The following LAMA5 variants were observed in gnomAD, a reference collection of about 807,000 sequenced individuals.
The protein encoded by LAMA5 is laminin subunit alpha-5.
In LAMA5, 260 loss-of-function variants were observed where a neutral mutation model predicts 433.4. The observed-to-expected ratio is 0.60, with a 90% CI of 0.54 to 0.66. The LOEUF is 0.66. Among genes scored for constraint, LAMA5 ranks in the 30% least tolerant of loss-of-function variants. The pLI is 0.00. For missense variants in LAMA5, 5,378 were observed against 5,258.5 expected, an observed-to-expected ratio of 1.02 and a Z score of -0.70; for synonymous variants, 2,620 against 2,226.6, an observed-to-expected ratio of 1.18 and a Z score of -4.97.
intron 11 of LAMA5, among the ~76,000 whole-genome samples, chr20:62,341,182 C>T (rs183432890): frequency 6.6e-5 from 10 of 152,190 alleles, no homozygotes; most frequent in Non-Finnish European, 1.3e-4. Context: ...AGTCTAACCA[C>T]GATGCAGCAA....
At position 62,313,149 on chromosome 20, in the gene LAMA5, C is replaced by G; in HGVS notation, c.8894G>C (p.Arg2965Pro). The change falls in exon 65 of 80, where the codon CGC becomes CCC. Residue 2965 changes from arginine to proline, a missense_variant. By Grantham distance (103) the Arg-to-Pro change is moderately radical (BLOSUM62 -2). Transcript: ENST00000252999. ...SFDSQISTTK[R>P]FEQELRLVSY... ...CACGAGCCGCAGCTCCTGCTCGAAG[C>G]GCTTGGTGGTGCTGATCTGACTGTC... 6.2e-7 allele frequency: 1 copy of G among 1,605,152 alleles called. No homozygotes were observed. The highest frequency in any genetic ancestry group is 8.5e-7 in the Non-Finnish European group (1 of 1,178,470).
chr20:62,310,683 G>A lies in LAMA5; in HGVS notation c.10428C>T (p.Ser3476=). ...TTCTCACCGGAAGTTTGGAGCTGTG[G>A]CTGCTGGCCGGGAGGCCGCCCACAA... is the stretch of plus-strand genomic sequence containing the variant. ...TLFVGGLPAS[S]HSSKLPVTVG... The change falls in exon 75 of 80, where the codon AGC becomes AGT. Residue 3476 remains serine (S), a synonymous_variant. Coordinates refer to ENST00000252999, the MANE Select transcript of LAMA5 (RefSeq NM_005560.6). 1.2e-6 allele frequency: 2 copies of A among 1,603,282 alleles called. No homozygotes were observed. The highest frequency in any genetic ancestry group is 1.3e-5 in the African/African-American group (1 of 75,024).
rs1358620723 is a variant in LAMA5, at chr20:62,333,440, C to T, written c.3063G>A (p.Ala1021=). The change falls in exon 25 of 80, where the codon GCG becomes GCA. Residue 1021 remains alanine (A), a synonymous_variant. Coordinates refer to ENST00000252999, the MANE Select transcript of LAMA5 (RefSeq NM_005560.6). ...VLLPSAYYEA[A]LLQLRVTEAC... ...CCTCAGTCACCCGCAGCTGCAGGAG[C>T]GCCGCCTCGTAGTATGCGCTAGGCA... is the stretch of plus-strand genomic sequence containing the variant. 1.6e-5 allele frequency: 26 copies of T among 1,612,756 alleles called. No homozygotes were observed. The highest frequency in any genetic ancestry group is 2.2e-5 in the East Asian group (1 of 44,868).
At position 62,335,372 on chromosome 20, in the gene LAMA5, T is replaced by A. The variant is rs1981386524; in HGVS notation, c.2324-103A>T. 6.1e-6 allele frequency: 7 copies of A among 1,156,346 alleles called. No individual in the cohort carries two copies. In the East Asian group the frequency reaches 1.8e-4, roughly 30 times the overall value. 71.6% of individuals were successfully genotyped at this position (1,156,346 alleles called of 1,614,324 possible). On this transcript the variant is annotated intron_variant, in intron 18 of 79. Coordinates refer to ENST00000252999, the MANE Select transcript of LAMA5 (RefSeq NM_005560.6). ...CCCTAACACCCCCTCCAGGGCACAC[T>A]CACAGGCTCCAGCACCCCCAGGAGC...
chr20:62,367,174 C>T lies in LAMA5; in HGVS notation c.72G>A (p.Leu24=). 8.1e-7 allele frequency: 1 copy of T among 1,242,208 alleles called. No individual in the cohort carries two copies. 76.9% of individuals were successfully genotyped at this position (1,242,208 alleles called of 1,614,324 possible). A position where few individuals can be genotyped will look rare whatever the true frequency, so the allele number is the denominator to read the frequency against. The change falls in exon 1 of 80, where the codon CTG becomes CTA. Residue 24 remains leucine, a synonymous_variant. Transcript: ENST00000252999. ...CCGCGCCCAGCAGCGCCAGCCCGACCAGCAGCAGCGGCGCGGGGCCCCGGG... is the reference window on the plus strand; with the variant it reads ...CCGCGCCCAGCAGCGCCAGCCCGACTAGCAGCAGCGGCGCGGGGCCCCGGG... ...RGPRGPAPLL[L]VGLALLGAAR... is the part of the protein sequence containing the mutation.
In LAMA5 at chr20:62,315,149, G is replaced by T; in HGVS notation, c.7926C>A (p.Thr2642=). 6.2e-7 allele frequency: 1 copy of T among 1,610,642 alleles called. No individual in the cohort carries two copies. The highest frequency in any genetic ancestry group is 8.5e-7 in the Non-Finnish European group (1 of 1,179,722). ...AKAVAAEAQD[T]ATRVQSQLQA... ...GCAGCTGGGACTGCACACGGGTGGC[G>T]GTGTCCTGGGCTTCAGCAGCCACAG... The change falls in exon 59 of 80, where the codon ACC becomes ACA. Residue 2642 remains threonine, a synonymous_variant. Coordinates refer to ENST00000252999, the MANE Select transcript of LAMA5 (RefSeq NM_005560.6).
rs1568887534 is a variant in LAMA5 at position 62,310,432 on chromosome 20, T to C, written c.10587A>G (p.Gly3529=). ...EAGLFFPGSG[G]VITLDLPGAT... is the part of the protein sequence containing the mutation. The stretch of plus-strand genomic sequence containing the variant: ...GCACCCACAGACCTAAAGTGATAAC[T>C]CCCCCGCTGCCTGGGAAGAACAGGC... Residue 3529 remains glycine (G), a synonymous_variant, in exon 76 of 80, where the codon GGA becomes GGG. Coordinates refer to ENST00000252999, the MANE Select transcript of LAMA5 (RefSeq NM_005560.6). 1.2e-6 allele frequency: 2 copies of C among 1,602,078 alleles called. No individual in the cohort carries two copies. Among genetic ancestry groups the C allele is most frequent in the South Asian group, 2.2e-5 (2 of 89,458 alleles).
chr20:62,337,782 C>T lies in LAMA5; in HGVS notation c.2026+22G>A, dbSNP rs773004188. On this transcript the variant is annotated intron_variant, in intron 15 of 79. Transcript: ENST00000252999. ...GTGGAGACTGCACCTGCCTCCCCAC[C>T]ACTTCCTCCCTAGGCACTCACGGAC... The T allele has an allele frequency of 5.0e-6, 8 of 1,609,936 alleles. No individual in the cohort carries two copies. In the Admixed American group the frequency reaches 1.2e-4, roughly 24 times the overall value.
rs764922359 is a variant in LAMA5, at chr20:62,333,703, G to A, written c.2882C>T (p.Thr961Ile). 3 of 1,586,152 alleles carry A rather than the reference G, an allele frequency of 1.9e-6. No homozygotes were observed. Among genetic ancestry groups the A allele is most frequent in the East Asian group, 2.3e-5 (1 of 44,094 alleles). ...GAAGGCCACGGGCTGACTCTGTGCT[G>A]TGCCTGGGCGGGGGCAGGGGTGAGA... is the stretch of plus-strand genomic sequence containing the variant. ...EGRSATCANC[T>I]AQSQPVAFPP... is the part of the protein sequence containing the mutation. The change falls in exon 24 of 80, where the codon ACA becomes ATA. Residue 961 changes from threonine to isoleucine, a missense_variant. Transcript: ENST00000252999.
rs578220711 is a variant in LAMA5, at chr20:62,359,348, G to T, written c.450+3052C>A. ...AGCTCCTTACAACCTGGGCCCGCTG[G>T]GCTAGCGTGCTGGTGTAGTGGGGCA... On this transcript the variant is annotated intron_variant, in intron 2 of 79. Transcript: ENST00000252999. The surrounding 1 kb of genome is among the most constrained non-coding windows in gnomAD (Gnocchi z 4.3). Among the ~76,000 whole-genome samples the T allele has an allele frequency of 6.6e-6, 1 of 152,308 alleles. No homozygotes were observed. The highest frequency in any genetic ancestry group is 2.4e-5 in the African/African-American group (1 of 41,574).
chr20:62,325,647 A>C, intron 40 of LAMA5, 101 bp from the exon 41 acceptor site: 1 of 741,872 alleles, frequency 1.3e-6, no homozygotes, highest in Non-Finnish European at 2.2e-6. Context: ...GAGGGGCACA[A>C]AGACCATGGG....
chr20:62,322,331 A>G lies in LAMA5; in HGVS notation c.6284T>C (p.Met2095Thr). The stretch of plus-strand genomic sequence containing the variant: ...GGCACACTCGCGGCACTGGGGTCCC[A>G]TGGTCCCTGGTCGGCAGTGGCACTG... Reference protein sequence around the residue: ...SGQCHCRPGTMGPQCRECAPG... With the variant: ...SGQCHCRPGTTGPQCRECAPG... Residue 2095 changes from methionine (M) to threonine (T), a missense_variant, in exon 47 of 80, where the codon ATG becomes ACG. Met to Thr is a moderately conservative substitution (Grantham distance 81). Transcript: ENST00000252999. 6.3e-7 allele frequency: 1 copy of G among 1,599,412 alleles called. No individual in the cohort carries two copies. Among genetic ancestry groups the G allele is most frequent in the East Asian group, 2.3e-5 (1 of 44,210 alleles).
At chr20:62,313,486 C>T (rs368855832) in intron 63 of LAMA5, 26 bp from the exon 64 acceptor site, 2 of 1,580,838 alleles carry the variant, frequency 1.3e-6, no homozygotes, top group Non-Finnish European at 1.7e-6. Context: ...TGGGTCAGGG[C>T]ACCTGGCCTG....
intron 11 of LAMA5, among the ~76,000 whole-genome samples, chr20:62,343,044 A>G (rs1982831751): frequency 6.6e-6 from 1 of 152,230 alleles, no homozygotes; most frequent in Non-Finnish European, 1.5e-5. Context: ...TTAGCAAACT[A>G]GTCTATGGAC....
chr20:62,350,671 C>T (rs901396433), intron 6 of LAMA5, among the ~76,000 whole-genome samples: 2 of 152,154 alleles, frequency 1.3e-5, no homozygotes, highest in Non-Finnish European at 2.9e-5. Flanking sequence ...CCAGGAGCCT[C>T]GTCACACACT....
At chr20:62,317,833 A>C in intron 53 of LAMA5, 55 bp from the exon 54 acceptor site, 3 of 756,480 alleles carry the variant, frequency 4.0e-6, no homozygotes, top group Non-Finnish European at 5.5e-6. Context: ...AGAATAAAGG[A>C]TGTGATGGGG....
chr20:62,346,349 T>C, intron 9 of LAMA5, 134 bp from the exon 10 acceptor site: 1 of 1,394,560 alleles, frequency 7.2e-7, no homozygotes, highest in Non-Finnish European at 9.7e-7. Context: ...TGGGGGGACA[T>C]GAGGGCTGGG....
rs116517099 is a variant in LAMA5 at position 62,340,041 on chromosome 20, C to T, written c.1478-1433G>A. On this transcript the variant is annotated intron_variant, in intron 11 of 79. Transcript: ENST00000252999. ...GGACGCAAACACAGAGGAGTGAGGA[C>T]GGAAGGCACAGCGGTAACGAGACAG... Among the ~76,000 whole-genome samples the T allele has an allele frequency of 6.7e-3, 1,016 of 152,042 alleles. 11 individuals carry two copies. Among genetic ancestry groups the T allele is most frequent in the African/African-American group, 0.023 (937 of 41,410 alleles).
chr20:62,366,771 A>C (rs1340626332), intron 1 of LAMA5, among the ~76,000 whole-genome samples, 178 bp downstream of exon 1: 2 of 152,128 alleles, frequency 1.3e-5, no homozygotes, highest in Admixed American at 6.5e-5. Context: ...AGGGACGCGA[A>C]GTTTCCCGGC....
Sources: gnomAD v4.1 joint callset for allele counts (sites outside exome capture counted in the v4.1 genomes callset) on GRCh38, gnomAD v4.1.1 for gene constraint, Gnocchi (gnomAD v3.1) non-coding constraint, MANE v1.5 for transcripts, NCBI Gene and HGNC (gene_info 2026-07-23, HGNC 2026-07-21) for gene names.